MAPK6: variants seen among roughly 807,000 people sequenced by gnomAD.
MAPK6 encodes the protein ERK-3.
In MAPK6, 19 loss-of-function variants were observed where a neutral mutation model predicts 59.3. The ratio of observed to expected loss-of-function variants is 0.32; its 90% CI spans 0.22 to 0.47. MAPK6 has a LOEUF of 0.47. Among genes scored for constraint, MAPK6 ranks in the 20% least tolerant of loss-of-function variants. MAPK6 has a pLI of 1.00. For synonymous variants in MAPK6, 316 were observed against 290.3 expected (o/e 1.09, Z -0.90); for missense variants, 724 against 847.9 (o/e 0.85, Z 1.81).
chr15:52,062,343 T>C (rs2032235988), intron 5 of MAPK6, among the ~76,000 whole-genome samples: 1 of 152,168 alleles, frequency 6.6e-6, no homozygotes, highest in Non-Finnish European at 1.5e-5. Context: ...TGAATCTGTT[T>C]TCCTAATGAC....
chr15:52,000,950 C>A (rs936754622), intron 2 of MAPK6, among the ~76,000 whole-genome samples: 5 of 152,086 alleles, frequency 3.3e-5, no homozygotes, highest in African/African-American at 1.2e-4. Context: ...CCCTCACCCC[C>A]CTACCACCCT....
At chr15:52,047,271 CTTAG>C (rs1484560824) in intron 2 of MAPK6, among the ~76,000 whole-genome samples, 1 of 151,936 alleles carries the variant, frequency 6.6e-6, no homozygotes, top group Non-Finnish European at 1.5e-5. Context: ...GAAATTCTCC[CTTAG>C]TTATTTAAAA....
intron 3 of MAPK6, among the ~76,000 whole-genome samples, chr15:52,005,637 A>C (rs1026393545): frequency 1.3e-5 from 2 of 152,170 alleles, no homozygotes; most frequent in Non-Finnish European, 2.9e-5. Context: ...AGAGTAGGTT[A>C]GCATTTTAGG....
At chr15:52,015,347 A>G (rs2030203329), upstream of MAPK6, among the ~76,000 whole-genome samples, 3 of 152,176 alleles carry the variant, frequency 2.0e-5, no homozygotes, top group South Asian at 4.1e-4. Context: ...GGGTTTCACC[A>G]TGTTGGTCAG....
rs2032371602 is a variant in MAPK6 at position 52,065,261 on chromosome 15, CAAGAACATTCTCTCA to C, written c.*262_*276del. 6.0e-6 allele frequency: 2 copies of C among 333,588 alleles called. No individual in the cohort carries two copies. The highest frequency in any genetic ancestry group is 4.5e-5 in the Admixed American group (1 of 22,454). 20.7% of individuals were successfully genotyped at this position (333,588 alleles called of 1,614,324 possible). ...GGAGGAGAAAAGAAATGCACTAAGA[CAAGAACATTCTCTCA>C]TAGAACATTGATCTGTTTTACAGGA... On this transcript the variant is annotated 3_prime_UTR_variant, in exon 6 of 6. Coordinates refer to ENST00000261845, the MANE Select transcript of MAPK6 (RefSeq NM_002748.4).
chr15:52,044,380 T>C (rs2031534770), intron 1 of MAPK6, among the ~76,000 whole-genome samples: 1 of 152,246 alleles, frequency 6.6e-6, no homozygotes, highest in Non-Finnish European at 1.5e-5. Context: ...GTCTTTCTCC[T>C]ATTGGACAAT....
intron 1 of MAPK6, among the ~76,000 whole-genome samples, chr15:51,978,299 A>AT (rs1445936760): frequency 1.3e-5 from 2 of 151,606 alleles, no homozygotes; most frequent in East Asian, 3.9e-4. Context: ...TACCCAGCTA[A>AT]TTTTTTGTAT....
chr15:51,992,166 C>T (rs981267191), intron 2 of MAPK6, among the ~76,000 whole-genome samples: 1 of 151,988 alleles, frequency 6.6e-6, no homozygotes, highest in African/African-American at 2.4e-5. Context: ...CCATGTTGCA[C>T]AGGCTGGTCT....
intron 1 of MAPK6, chr15:52,027,870 T>A (rs2030866715): frequency 1.3e-5 from 2 of 151,684 alleles, no homozygotes; most frequent in Non-Finnish European, 2.9e-5. Flanking sequence ...CGTCCCAGAT[T>A]CAGGTGATTC....
intron 3 of MAPK6, chr15:52,011,378 C>T (rs1359054011): frequency 2.0e-5 from 3 of 152,214 alleles, no homozygotes; most frequent in East Asian, 1.9e-4. Context: ...TTTTGCTTTC[C>T]GTTGGTGATT....
chr15:51,992,316 T>TG (rs1229438482), intron 2 of MAPK6, among the ~76,000 whole-genome samples: 1 of 148,534 alleles, frequency 6.7e-6, no homozygotes, highest in Non-Finnish European at 1.5e-5. Context: ...TTTTTTTTTT[T>TG]TTTGAGACAG....
At position 51,979,640 on chromosome 15, in the gene MAPK6, A is replaced by G. The variant is rs191638075; in HGVS notation, c.-879-3566A>G. On this transcript the variant is annotated intron_variant, in intron 1 of 7. Coordinates refer to the MAPK6 transcript ENST00000691380. The stretch of plus-strand genomic sequence containing the variant: ...AAACCCCATCACTACGAAAAATACT[A>G]AAATTAACTGGATGTGGTGACATGT... Among the ~76,000 whole-genome samples, 229 of 151,812 alleles carry G rather than the reference A, an allele frequency of 1.5e-3. 3 individuals carry two copies. Among genetic ancestry groups the G allele is most frequent in the African/African-American group, 5.3e-3 (222 of 41,540 alleles).
chr15:52,016,747 C>CT (rs1378293095), upstream of MAPK6, among the ~76,000 whole-genome samples: 1 of 152,136 alleles, frequency 6.6e-6, no homozygotes, highest in African/African-American at 2.4e-5. Flanking sequence ...AAAAACCAGT[C>CT]TTAAACCAGA....
At chr15:52,048,223 C>G (rs946685182) in intron 2 of MAPK6, among the ~76,000 whole-genome samples, 1 of 152,098 alleles carries the variant, frequency 6.6e-6, no homozygotes, top group African/African-American at 2.4e-5. Flanking sequence ...GATCTCAGCT[C>G]ATTGCAACCT....
upstream of MAPK6, among the ~76,000 whole-genome samples, chr15:52,016,260 A>T (rs2030267684): frequency 6.7e-6 from 1 of 150,134 alleles, no homozygotes; most frequent in South Asian, 2.1e-4. Context: ...CATGTGGTGC[A>T]CACCTGTAAT....
In MAPK6 at chr15:52,046,640, A is replaced by G; in HGVS notation, c.180A>G (p.Lys60=). Residue 60 remains lysine, a synonymous_variant, in exon 2 of 6, where the codon AAA becomes AAG. Transcript: ENST00000261845. ...KIVLTDPQSV[K]HALREIKIIR... Reference sequence around the variant, plus strand: ...TCCTTACTGATCCCCAGAGTGTCAAACATGCTCTACGTGAAATCAAAATTA... The same window carrying G: ...TCCTTACTGATCCCCAGAGTGTCAAGCATGCTCTACGTGAAATCAAAATTA... 1 of 1,614,204 alleles carries G rather than the reference A, an allele frequency of 6.2e-7. No homozygotes were observed. Among genetic ancestry groups the G allele is most frequent in the Non-Finnish European group, 8.5e-7 (1 of 1,180,020 alleles).
At chr15:52,006,832 T>A (rs988444042) in intron 3 of MAPK6, among the ~76,000 whole-genome samples, 6 of 152,090 alleles carry the variant, frequency 3.9e-5, no homozygotes, top group African/African-American at 1.2e-4. Flanking sequence ...ACAAATACCA[T>A]CCTTCTCTGT....
chr15:52,009,455 C>T (rs554897539), intron 3 of MAPK6, among the ~76,000 whole-genome samples: 1 of 152,276 alleles, frequency 6.6e-6, no homozygotes, highest in South Asian at 2.1e-4. Flanking sequence ...TCCCTGAAGC[C>T]AGAAAGTGTC....
chr15:51,982,090 G>A lies in MAPK6; in HGVS notation c.-879-1116G>A, dbSNP rs116552302. Among the ~76,000 whole-genome samples, 529 of 152,216 alleles carry A rather than the reference G, an allele frequency of 3.5e-3. 2 individuals are homozygous for A. The highest frequency in any genetic ancestry group is 0.012 in the African/African-American group (511 of 41,544). On this transcript the variant is annotated intron_variant, in intron 1 of 7. Transcript: ENST00000691380. Reference sequence around the variant, plus strand: ...AACATCAGGAAATGTAGACTTCCCTGCCAACCAAAATTTTACAAATAGAAA... The same window carrying A: ...AACATCAGGAAATGTAGACTTCCCTACCAACCAAAATTTTACAAATAGAAA...
Sources: gnomAD v4.1 joint callset for allele counts (sites outside exome capture counted in the v4.1 genomes callset) on GRCh38, gnomAD v4.1.1 for gene constraint, MANE v1.5 for transcripts, NCBI Gene and HGNC (gene_info 2026-07-23, HGNC 2026-07-21) for gene names.